The following ZNF692 variants were observed in gnomAD, a reference collection of about 807,000 sequenced individuals.
ZNF692 encodes the protein zinc finger protein 692, also known as AICAR responsive element binding protein.
Under a neutral mutation model 49.0 loss-of-function variants are expected in ZNF692, and 41 were observed. That is an observed-to-expected ratio of 0.84 (90% CI 0.65 to 1.08). ZNF692 has a LOEUF of 1.08. Ranked by LOEUF, ZNF692 falls within the 50% of genes least tolerant of loss-of-function variation. The pLI is 0.00. For synonymous variants in ZNF692, 288 were observed against 251.5 expected, an observed-to-expected ratio of 1.15 and a Z score of -1.37; for missense variants, 662 against 662.2, an observed-to-expected ratio of 1.00 and a Z score of 0.00.
At chr1:248,854,282 A>G (rs1400134742) in intron 9 of ZNF692, 3 of 488,826 alleles carry the variant, frequency 6.1e-6, no homozygotes, top group Non-Finnish European at 1.1e-5. Flanking sequence ...CTGTCACCCA[A>G]TTCTGTGCTT....
chr1:248,856,389 A>T lies in ZNF692; in HGVS notation c.558T>A (p.Pro186=), dbSNP rs1211666457. 21 of 1,612,732 alleles carry T rather than the reference A, an allele frequency of 1.3e-5. No homozygotes were observed. Among genetic ancestry groups the T allele is most frequent in the Non-Finnish European group, 1.8e-5 (21 of 1,179,330 alleles). Residue 186 remains proline, a synonymous_variant, in exon 6 of 12, where the codon CCT becomes CCA. Coordinates refer to ENST00000306601, the MANE Select transcript of ZNF692 (RefSeq NM_017865.4). ...CTTCCTCACCCTCTTCCTCTCCTGGAGGTGGGAAGGTCTCTGGTGGGGGTC... is the reference window on the plus strand; with the variant it reads ...CTTCCTCACCCTCTTCCTCTCCTGGTGGTGGGAAGGTCTCTGGTGGGGGTC... ...RVGPPPETFP[P]PGEEEGEEEE...
At chr1:248,856,598 T>C (rs752292614) in intron 4 of ZNF692, 36 bp from the exon 5 acceptor site, 1 of 1,613,634 alleles carries the variant, frequency 6.2e-7, no homozygotes, top group South Asian at 1.1e-5. Context: ...GAAGGAACTC[T>C]GGACTCAAGG....
rs1454857538 is a variant in ZNF692, at chr1:248,858,365, G to A, written c.-12-44C>T. The A allele has an allele frequency of 1.3e-6, 2 of 1,519,750 alleles. No individual in the cohort carries two copies. The highest frequency in any genetic ancestry group is 1.4e-5 in the African/African-American group (1 of 71,474). 94.1% of individuals were successfully genotyped at this position (1,519,750 alleles called of 1,614,324 possible). A position where few individuals can be genotyped will look rare whatever the true frequency, so the allele number is the denominator to read the frequency against. ...GTCTTCAGCGCCCTGCCGATCTCGGGGGTCGGGGACCCGGCTCCACCTGCC... is the reference window on the plus strand; with the variant it reads ...GTCTTCAGCGCCCTGCCGATCTCGGAGGTCGGGGACCCGGCTCCACCTGCC... On this transcript the variant is annotated intron_variant, in intron 1 of 11. Transcript: ENST00000306601. The surrounding 1 kb of genome is among the most constrained non-coding windows in gnomAD (Gnocchi z 4.3).
In ZNF692 at chr1:248,850,289, G is replaced by A; in HGVS notation, c.1481C>T (p.Ala494Val). The change falls in exon 12 of 12, where the codon GCC becomes GTC. Residue 494 changes from alanine to valine, a missense_variant. Physicochemically the swap from Ala to Val is moderately conservative, Grantham distance 64 (BLOSUM62 0). Transcript: ENST00000306601. ...GPLEPCPSIS[A>V]PGPLGSSEGS... Reference sequence around the variant, plus strand: ...CTCGCTGGATCCCAGAGGCCCAGGGGCAGAGATGCTGGGACAGGGCTCTAG... The same window carrying A: ...CTCGCTGGATCCCAGAGGCCCAGGGACAGAGATGCTGGGACAGGGCTCTAG... 1.2e-6 allele frequency: 2 copies of A among 1,609,576 alleles called. No homozygotes were observed. Among genetic ancestry groups the A allele is most frequent in the South Asian group, 1.1e-5 (1 of 90,796 alleles).
Position 248,850,729 on chromosome 1 carries a change from G to A in ZNF692, c.1206C>T (p.Ser402=). 2 of 1,614,142 alleles carry A rather than the reference G, an allele frequency of 1.2e-6. No homozygotes were observed. Among genetic ancestry groups the A allele is most frequent in the Non-Finnish European group, 1.7e-6 (2 of 1,180,008 alleles). ...GGATACGTCTGTGGATGACAAGGTT[G>A]CTGCTAGTGCGGAAAGACCGGGCGC... The part of the protein sequence containing the change: ...EFCARSFRTS[S]NLVIHRRIHT... Residue 402 remains serine (S), a synonymous_variant, in exon 11 of 12, where the codon AGC becomes AGT. Transcript: ENST00000306601.
chr1:248,858,348 C>T lies in ZNF692; in HGVS notation c.-12-27G>A. 6.5e-7 allele frequency: 1 copy of T among 1,526,724 alleles called. No homozygotes were observed. Among genetic ancestry groups the T allele is most frequent in the Non-Finnish European group, 8.8e-7 (1 of 1,131,916 alleles). The allele number at this position is 1,526,724 out of a possible 1,614,324, so 94.6% of individuals were successfully genotyped here. ...TGGAGGGTGGAAGGGACGTCTTCAG[C>T]GCCCTGCCGATCTCGGGGGTCGGGG... On this transcript the variant is annotated intron_variant, in intron 1 of 11. Transcript: ENST00000306601. The surrounding 1 kb of genome is among the most constrained non-coding windows in gnomAD (Gnocchi z 4.3).
Position 248,857,505 on chromosome 1 carries a change from G to A in ZNF692, c.212-8C>T. Reference sequence around the variant, plus strand: ...GAGGCAAAGGCTCAGGACCTGGAGGGGTGGGGGAAGCAGTCAGGCTGAACT... The same window carrying A: ...GAGGCAAAGGCTCAGGACCTGGAGGAGTGGGGGAAGCAGTCAGGCTGAACT... On this transcript the variant is annotated splice_region_variant and splice_polypyrimidine_tract_variant and intron_variant, in intron 3 of 11. Coordinates refer to ENST00000306601, the MANE Select transcript of ZNF692 (RefSeq NM_017865.4). 3.1e-6 allele frequency: 5 copies of A among 1,608,060 alleles called. No homozygotes were observed. The highest frequency in any genetic ancestry group is 4.3e-6 in the Non-Finnish European group (5 of 1,176,460).
At chr1:248,853,531 T>C (rs946109064) in intron 10 of ZNF692, among the ~76,000 whole-genome samples, 3 of 152,180 alleles carry the variant, frequency 2.0e-5, no homozygotes, top group African/African-American at 4.8e-5. Context: ...GCGCTGTCCA[T>C]AGTCTGTAAG....
chr1:248,852,165 T>A (rs1659675756), intron 10 of ZNF692, among the ~76,000 whole-genome samples: 1 of 152,214 alleles, frequency 6.6e-6, no homozygotes, highest in Non-Finnish European at 1.5e-5. Context: ...CTACTGTGTC[T>A]GCATTTCCCT....
At chr1:248,856,922 G>A (rs533129115) in intron 4 of ZNF692, among the ~76,000 whole-genome samples, 16 of 151,922 alleles carry the variant, frequency 1.1e-4, no homozygotes, top group Non-Finnish European at 1.9e-4. Flanking sequence ...GTCCCCCATC[G>A]CCTACTTCTT....
rs1660562403 is a variant in ZNF692, at chr1:248,858,832, G to C, written c.-13+86C>G. ...GTCTTGGGCACCCCCACTTAATGCT[G>C]ACAGTGAGTGGAGCGGACTAATCCC... On this transcript the variant is annotated intron_variant, in intron 1 of 11. Transcript: ENST00000306601. The surrounding 1 kb of genome is among the most constrained non-coding windows in gnomAD (Gnocchi z 4.3). The C allele has an allele frequency of 7.5e-6, 4 of 531,670 alleles. No individual in the cohort carries two copies. The allele number at this position is 531,670 out of a possible 1,614,324, so 32.9% of individuals were successfully genotyped here.
intron 3 of ZNF692, 118 bp downstream of exon 3, chr1:248,857,710 C>A: frequency 1.3e-6 from 2 of 1,507,876 alleles, no homozygotes; most frequent in South Asian, 1.3e-5. Context: ...CCTGTGCTCC[C>A]CAACTCACCC....
At chr1:248,852,004 G>C (rs1002116825) in intron 10 of ZNF692, among the ~76,000 whole-genome samples, 1 of 151,950 alleles carries the variant, frequency 6.6e-6, no homozygotes, top group Non-Finnish European at 1.5e-5. Context: ...CCCTCTCTCC[G>C]TCAACTGTAC....
At position 248,858,532 on chromosome 1, in the gene ZNF692, G is replaced by C; in HGVS notation, c.-12-211C>G. On this transcript the variant is annotated intron_variant, in intron 1 of 11. Coordinates refer to ENST00000306601, the MANE Select transcript of ZNF692 (RefSeq NM_017865.4). This position sits in a 1 kb window ranked among gnomAD's most constrained non-coding sequence, Gnocchi z 4.3. ...GCTACCATGTGAGTGTCGTCGGGTGGGAGGCAGGCAGACAGAAGCAGTCAG... is the reference window on the plus strand; with the variant it reads ...GCTACCATGTGAGTGTCGTCGGGTGCGAGGCAGGCAGACAGAAGCAGTCAG... 3 of 1,551,726 alleles carry C rather than the reference G, an allele frequency of 1.9e-6. No individual in the cohort carries two copies. Among genetic ancestry groups the C allele is most frequent in the Non-Finnish European group, 2.6e-6 (3 of 1,146,996 alleles).
chr1:248,850,847 A>T, intron 10 of ZNF692, 66 bp from the exon 11 acceptor site: 1 of 1,293,494 alleles, frequency 7.7e-7, no homozygotes, highest in East Asian at 2.9e-5. Flanking sequence ...GGCCCACCCC[A>T]CCCACTGTCC....
rs985458489 is a variant in ZNF692 at position 248,856,614 on chromosome 1, G to A, written c.476-52C>T. 3.1e-6 allele frequency: 5 copies of A among 1,609,544 alleles called. No individual in the cohort carries two copies. In the African/African-American group the frequency reaches 5.3e-5, roughly 17 times the overall value. On this transcript the variant is annotated intron_variant, in intron 4 of 11. Coordinates refer to ENST00000306601, the MANE Select transcript of ZNF692 (RefSeq NM_017865.4). ...AAGGAACTCTGGACTCAAGGGATGA[G>A]GACACATAAAGTTCTAAGGTCTGAA...
rs774271333 is a variant in ZNF692 at position 248,856,422 on chromosome 1, C to T, written c.525G>A (p.Arg175=). The change falls in exon 6 of 12, where the codon AGG becomes AGA. Residue 175 remains arginine (R), a splice_region_variant and synonymous_variant. Transcript: ENST00000306601. ...AGGTCTCTGGTGGGGGTCCCACCCT[C>T]CTGCAGGCCCAAAGAAGGCAAGCCT... is the stretch of plus-strand genomic sequence containing the variant. The part of the protein sequence containing the change: ...DERTQEARLP[R]RVGPPPETFP... 1.5e-5 allele frequency: 24 copies of T among 1,613,868 alleles called. No homozygotes were observed. The highest frequency in any genetic ancestry group is 1.9e-5 in the Non-Finnish European group (23 of 1,179,804).
chr1:248,850,577 G>C, intron 11 of ZNF692, 61 bp from the exon 12 acceptor site: 1 of 1,591,808 alleles, frequency 6.3e-7, no homozygotes, highest in Non-Finnish European at 8.6e-7. Flanking sequence ...CTTCCCTAGG[G>C]GGTTCCTCCT....
rs1558252097 is a variant in ZNF692, at chr1:248,854,043, T to C, written c.1047A>G (p.Lys349=). ...FSNRQYLNHH[K]KYQHIHQKSF... ...ACTTCTGGTGGATGTGCTGGTACTT[T>C]TTGTGGTGCTAGAGAAGGAAGTGGG... The change falls in exon 10 of 12, where the codon AAA becomes AAG. Residue 349 remains lysine (K), a synonymous_variant. Transcript: ENST00000306601. 6.2e-7 allele frequency: 1 copy of C among 1,613,938 alleles called. No homozygotes were observed.
Sources: gnomAD v4.1 joint callset for allele counts (sites outside exome capture counted in the v4.1 genomes callset) on GRCh38, gnomAD v4.1.1 for gene constraint, Gnocchi (gnomAD v3.1) non-coding constraint, MANE v1.5 for transcripts, NCBI Gene and HGNC (gene_info 2026-07-23, HGNC 2026-07-21) for gene names.